Variants in UPB1 observed in about 807,000 individuals in gnomAD.
UPB1 encodes beta-ureidopropionase.
A neutral mutation model predicts 49.1 loss-of-function variants in UPB1; 40 were observed. The observed-to-expected ratio is 0.81, with a 90% CI of 0.63 to 1.06. The LOEUF (loss-of-function observed/expected upper bound fraction) is 1.06, where lower values mean the gene tolerates loss of function less well. UPB1 is among the 50% of genes least tolerant of loss of function. The probability of loss-of-function intolerance (pLI) is 0.00; values close to 1 mark genes in which losing one functional copy is unlikely to be tolerated. For synonymous variants in UPB1, 207 were observed against 198.2 expected (o/e 1.04, Z -0.38); for missense variants, 499 against 505.9 (o/e 0.99, Z 0.13).
intron 6 of UPB1, chr22:24,518,501 G>A (rs1202698243): frequency 6.6e-6 from 1 of 152,186 alleles, no homozygotes; most frequent in African/African-American, 2.4e-5. Context: ...TTAAAATGAT[G>A]AATGATGGAA....
Position 24,500,145 on chromosome 22 carries a change from C to A in UPB1, c.143C>A (p.Ser48Tyr). Residue 48 changes from serine (S) to tyrosine (Y), a missense_variant, in exon 2 of 10, where the codon TCC becomes TAC. Transcript: ENST00000326010. ...DLPREAFEAA[S>Y]REDFELQGYA... ...CCCAGGGAAGCTTTCGAAGCTGCCT[C>A]CAGAGAAGACTTTGAACTGCAGGGA... 1 of 1,614,210 alleles carries A rather than the reference C, an allele frequency of 6.2e-7. No homozygotes were observed. The highest frequency in any genetic ancestry group is 1.3e-5 in the African/African-American group (1 of 75,052).
At chr22:24,505,490 C>T (rs2044073327) in intron 3 of UPB1, among the ~76,000 whole-genome samples, 1 of 152,122 alleles carries the variant, frequency 6.6e-6, no homozygotes, top group East Asian at 1.9e-4. Context: ...GCCCTTGTGC[C>T]AAGAAGGGAA....
chr22:24,511,845 T>C (rs2044211581), intron 4 of UPB1, among the ~76,000 whole-genome samples: 1 of 152,066 alleles, frequency 6.6e-6, no homozygotes, highest in East Asian at 1.9e-4. Context: ...CTTGATCTCC[T>C]GACCTCGTGA....
At chr22:24,513,551 G>C (rs2044243976) in intron 5 of UPB1, 66 bp downstream of exon 5, 42 of 1,568,480 alleles carry the variant, frequency 2.7e-5, no homozygotes, top group Non-Finnish European at 3.3e-5. Context: ...GTAGATCTCT[G>C]TGGGACTTTC....
At chr22:24,497,019 C>G (rs1026095744) in intron 1 of UPB1, among the ~76,000 whole-genome samples, 1 of 152,114 alleles carries the variant, frequency 6.6e-6, no homozygotes, top group African/African-American at 2.4e-5. Flanking sequence ...GGAACACTGT[C>G]CCTCTTTCTC....
At chr22:24,507,388 C>T (rs894664078) in intron 3 of UPB1, among the ~76,000 whole-genome samples, 58 of 151,978 alleles carry the variant, frequency 3.8e-4, no homozygotes, top group African/African-American at 1.3e-3. Flanking sequence ...GTGCCATTGG[C>T]GGGATATTTA....
At chr22:24,511,311 A>G (rs763214780) in intron 4 of UPB1, among the ~76,000 whole-genome samples, 19 of 152,192 alleles carry the variant, frequency 1.2e-4, no homozygotes, top group Non-Finnish European at 2.2e-4. Context: ...GATCCCATTT[A>G]TATAAACTGT....
intron 9 of UPB1, 121 bp from the exon 10 acceptor site, chr22:24,525,590 C>A: frequency 8.7e-7 from 1 of 1,153,996 alleles, no homozygotes. Flanking sequence ...TCACTGTCAA[C>A]GAGCCTTCCT....
chr22:24,507,505 T>A (rs2044111444), intron 3 of UPB1, among the ~76,000 whole-genome samples: 2 of 152,162 alleles, frequency 1.3e-5, no homozygotes, highest in Non-Finnish European at 2.9e-5. Flanking sequence ...AGCTTAGGGA[T>A]GTTGGAGACG....
At chr22:24,513,997 G>A (rs138633423) in intron 5 of UPB1, among the ~76,000 whole-genome samples, 4 of 152,246 alleles carry the variant, frequency 2.6e-5, no homozygotes, top group Non-Finnish European at 4.4e-5. Context: ...TGCATTATGT[G>A]AAGTTTCATG....
intron 3 of UPB1, among the ~76,000 whole-genome samples, chr22:24,507,191 T>C (rs2044106312): frequency 6.6e-6 from 1 of 152,254 alleles, no homozygotes; most frequent in African/African-American, 2.4e-5. Flanking sequence ...TCACTCCTAA[T>C]GCTCTGAAAG....
chr22:24,502,572 GC>G (rs747056781), intron 3 of UPB1: 22 of 769,682 alleles, frequency 2.9e-5, no homozygotes, highest in East Asian at 9.7e-5. Context: ...CCCAGAGCCA[GC>G]CCCCCCATCT....
At chr22:24,516,379 A>T (rs544514838) in intron 6 of UPB1, 1 of 152,366 alleles carries the variant, frequency 6.6e-6, no homozygotes, top group African/African-American at 2.4e-5. Context: ...CAGCGAGCTG[A>T]TCTGACTGCA....
In UPB1 at chr22:24,500,169, G is replaced by T. The variant is rs759548754; in HGVS notation, c.167G>T (p.Gly56Val). 6.2e-7 allele frequency: 1 copy of T among 1,614,234 alleles called. No homozygotes were observed. The highest frequency in any genetic ancestry group is 1.7e-5 in the Admixed American group (1 of 60,032). ...AASREDFELQ[G>V]YAFEAAEEQL... ...TCCAGAGAAGACTTTGAACTGCAGG[G>T]ATATGCCTTTGAAGCAGCGGAGGAG... The change falls in exon 2 of 10, where the codon GGA becomes GTA. Residue 56 changes from glycine to valine, a missense_variant. By Grantham distance (109) the Gly-to-Val change is moderately radical (BLOSUM62 -3). Coordinates refer to ENST00000326010, the MANE Select transcript of UPB1 (RefSeq NM_016327.3).
intron 3 of UPB1, among the ~76,000 whole-genome samples, chr22:24,507,707 C>T (rs1023496194): frequency 1.3e-5 from 2 of 152,120 alleles, no homozygotes; most frequent in Non-Finnish European, 2.9e-5. Flanking sequence ...ATGCAAATGT[C>T]GGCAATTAGA....
rs1046663017 is a variant in UPB1, at chr22:24,525,985, T to C, written c.*191T>C. On this transcript the variant is annotated 3_prime_UTR_variant, in exon 10 of 10. Coordinates refer to ENST00000326010, the MANE Select transcript of UPB1 (RefSeq NM_016327.3). ...TAAGGGGCTGCTTACTTCTGGGGTA[T>C]TGGAAATGTTTGGGGACTAGGTAGA... 1 of 659,460 alleles carries C rather than the reference T, an allele frequency of 1.5e-6. No homozygotes were observed. Among genetic ancestry groups the C allele is most frequent in the Non-Finnish European group, 2.7e-6 (1 of 368,856 alleles). 40.9% of individuals were successfully genotyped at this position (659,460 alleles called of 1,614,324 possible).
In UPB1 at chr22:24,518,608, G is replaced by A. The variant is rs112628437; in HGVS notation, c.792-1779G>A. Among the ~76,000 whole-genome samples the A allele has an allele frequency of 3.7e-3, 569 of 152,278 alleles. 6 individuals are homozygous for A. Among genetic ancestry groups the A allele is most frequent in the African/African-American group, 0.013 (540 of 41,550 alleles). On this transcript the variant is annotated intron_variant, in intron 6 of 9. Coordinates refer to ENST00000326010, the MANE Select transcript of UPB1 (RefSeq NM_016327.3). ...ATCCCCTTTTCTGGCACCTTCTGCCGCCTGTATTAGAGACAGACATACACA... is the reference window on the plus strand; with the variant it reads ...ATCCCCTTTTCTGGCACCTTCTGCCACCTGTATTAGAGACAGACATACACA...
intron 5 of UPB1, among the ~76,000 whole-genome samples, chr22:24,513,961 AG>A (rs1294493243): frequency 6.6e-6 from 1 of 152,066 alleles, no homozygotes; most frequent in Non-Finnish European, 1.5e-5. Context: ...AGGTGGCAGT[AG>A]GCAAACATGC....
chr22:24,522,057 G>T, intron 8 of UPB1, 29 bp downstream of exon 8: 1 of 1,612,648 alleles, frequency 6.2e-7, no homozygotes, highest in Non-Finnish European at 8.5e-7. Flanking sequence ...GGTGGCTGCA[G>T]TTGAGGAGTG....
Sources: allele counts gnomAD v4.1 joint callset (sites outside exome capture counted in the v4.1 genomes callset), GRCh38; gene constraint gnomAD v4.1.1; transcripts MANE v1.5; gene names NCBI Gene and HGNC (gene_info 2026-07-23, HGNC 2026-07-21).